Variants in THEMIS observed in about 807,000 individuals in gnomAD.
THEMIS encodes the protein protein THEMIS.
THEMIS carries 37 observed loss-of-function variants against 52.6 expected under a neutral mutation model. The observed-to-expected ratio is 0.70, with a 90% CI of 0.54 to 0.93. THEMIS has a LOEUF of 0.93. THEMIS is among the 40% of genes least tolerant of loss of function. The probability of loss-of-function intolerance (pLI) is 0.00; values close to 1 mark genes in which losing one functional copy is unlikely to be tolerated. For synonymous variants in THEMIS, 292 were observed against 272.7 expected (o/e 1.07, Z -0.70); for missense variants, 808 against 763.1 (o/e 1.06, Z -0.69).
chr6:127,868,476 A>T, intron 1 of THEMIS: 2 of 985,354 alleles, frequency 2.0e-6, no homozygotes, highest in Non-Finnish European at 2.4e-6. Context: ...GCATTTCCCA[A>T]CCTTCCACAA....
intron 5 of THEMIS, among the ~76,000 whole-genome samples, chr6:127,710,639 T>A (rs1161289168): frequency 6.6e-6 from 1 of 152,048 alleles, no homozygotes; most frequent in East Asian, 1.9e-4. Context: ...CAACATCATG[T>A]CAGACTCTCA....
downstream of THEMIS, among the ~76,000 whole-genome samples, chr6:127,704,088 C>T (rs528017240): frequency 1.3e-5 from 2 of 152,196 alleles, no homozygotes; most frequent in African/African-American, 2.4e-5. Context: ...TTAAAAGGCC[C>T]GTCTTTTAAT....
chr6:127,893,396 C>T (rs565015912), intron 1 of THEMIS, among the ~76,000 whole-genome samples: 2 of 152,074 alleles, frequency 1.3e-5, no homozygotes, highest in Admixed American at 1.3e-4. Flanking sequence ...TATGCCATAG[C>T]TCAATTAATC....
intron 1 of THEMIS, among the ~76,000 whole-genome samples, chr6:127,860,603 A>T (rs1779767275): frequency 6.6e-6 from 1 of 152,132 alleles, no homozygotes; most frequent in African/African-American, 2.4e-5. Flanking sequence ...GGTGAGTCTT[A>T]CTTAAAACAT....
intron 3 of THEMIS, among the ~76,000 whole-genome samples, chr6:127,820,842 A>G (rs915298920): frequency 6.6e-6 from 1 of 152,034 alleles, no homozygotes; most frequent in Non-Finnish European, 1.5e-5. Flanking sequence ...AGTTTTCCAC[A>G]GTCAAAAGTT....
chr6:127,754,775 C>T (rs1775764183), intron 4 of THEMIS, among the ~76,000 whole-genome samples: 1 of 151,994 alleles, frequency 6.6e-6, no homozygotes, highest in South Asian at 2.1e-4. Flanking sequence ...TATCAGGCTA[C>T]AAAGAGATTT....
At chr6:127,771,035 C>T (rs1299674619) in intron 4 of THEMIS, among the ~76,000 whole-genome samples, 1 of 152,122 alleles carries the variant, frequency 6.6e-6, no homozygotes, top group African/African-American at 2.4e-5. Context: ...ATTGTCTCAG[C>T]CCAAAATCTC....
At chr6:127,712,960 A>G (rs994887300) in intron 5 of THEMIS, among the ~76,000 whole-genome samples, 4 of 151,848 alleles carry the variant, frequency 2.6e-5, no homozygotes, top group African/African-American at 9.7e-5. Context: ...CTAAAGTGTT[A>G]ATTTGAAGGA....
chr6:127,799,151 C>T (rs1459471037), intron 4 of THEMIS, among the ~76,000 whole-genome samples: 3 of 151,858 alleles, frequency 2.0e-5, no homozygotes, highest in Admixed American at 6.6e-5. Context: ...AATGGACAGG[C>T]GATAAACTAT....
At chr6:127,827,421 A>T (rs1253251172) in intron 3 of THEMIS, among the ~76,000 whole-genome samples, 1 of 152,208 alleles carries the variant, frequency 6.6e-6, no homozygotes, top group African/African-American at 2.4e-5. Context: ...TATGAAATTA[A>T]CGATCCAGTA....
downstream of THEMIS, among the ~76,000 whole-genome samples, chr6:127,703,442 C>A (rs1002633671): frequency 2.0e-5 from 3 of 152,102 alleles, no homozygotes; most frequent in Non-Finnish European, 4.4e-5. Context: ...GGGTATGAAG[C>A]AGATAGCAAG....
At chr6:127,704,290 G>C (rs377414810), downstream of THEMIS, among the ~76,000 whole-genome samples, 7 of 152,262 alleles carry the variant, frequency 4.6e-5, no homozygotes, top group African/African-American at 1.7e-4. Flanking sequence ...ATGACTGACA[G>C]TTTTGTATGG....
rs942297643 is a variant in THEMIS at position 127,863,772 on chromosome 6, C to T, written c.92-8584G>A. 2.0e-5 allele frequency among the ~76,000 whole-genome samples: 3 copies of T among 152,080 alleles called. No homozygotes were observed. In the East Asian group the frequency reaches 5.8e-4, roughly 29 times the overall value. ...ACTAAATAGTAGCTGTCAGAGATGT[C>T]CAAAGGAAGTTGCCTGCCAGAAAAC... On this transcript the variant is annotated intron_variant, in intron 1 of 5. Coordinates refer to ENST00000368248, the MANE Select transcript of THEMIS (RefSeq NM_001010923.3).
At chr6:127,843,242 T>C (rs1779109406) in intron 2 of THEMIS, among the ~76,000 whole-genome samples, 1 of 151,968 alleles carries the variant, frequency 6.6e-6, no homozygotes, top group Non-Finnish European at 1.5e-5. Context: ...TTCCTTATTA[T>C]GGCATTAACG....
At chr6:127,897,911 G>T (rs1239057297) in intron 1 of THEMIS, among the ~76,000 whole-genome samples, 1 of 151,594 alleles carries the variant, frequency 6.6e-6, no homozygotes, top group Non-Finnish European at 1.5e-5. Context: ...TACATAAATT[G>T]TAGTATATTC....
intron 3 of THEMIS, among the ~76,000 whole-genome samples, chr6:127,822,154 G>C (rs1246087614): frequency 6.6e-6 from 1 of 151,800 alleles, no homozygotes; most frequent in Non-Finnish European, 1.5e-5. Context: ...GAATTGTTTA[G>C]TTACATATTT....
intron 2 of THEMIS, among the ~76,000 whole-genome samples, chr6:127,848,407 C>A (rs1347309044): frequency 6.6e-6 from 1 of 151,894 alleles, no homozygotes; most frequent in Admixed American, 6.6e-5. Flanking sequence ...GTCTTTATAG[C>A]AGCATGATTT....
chr6:127,871,644 A>G (rs1334279939), intron 1 of THEMIS, among the ~76,000 whole-genome samples: 2 of 152,146 alleles, frequency 1.3e-5, no homozygotes, highest in African/African-American at 4.8e-5. Context: ...AGACATCAAA[A>G]ATGTAATAAG....
chr6:127,733,845 C>T (rs1774893447), intron 4 of THEMIS, among the ~76,000 whole-genome samples: 2 of 151,778 alleles, frequency 1.3e-5, no homozygotes, highest in African/African-American at 4.8e-5. Context: ...GTATATATGA[C>T]ATGTAGTAAA....
Sources: allele counts gnomAD v4.1 joint callset (sites outside exome capture counted in the v4.1 genomes callset), GRCh38; gene constraint gnomAD v4.1.1; transcripts MANE v1.5; gene names NCBI Gene and HGNC (gene_info 2026-07-23, HGNC 2026-07-21).